Variants in CSMD1 observed in about 807,000 individuals in gnomAD.
The protein encoded by CSMD1 is CUB and sushi domain-containing protein 1.
A neutral mutation model predicts 417.5 loss-of-function variants in CSMD1; 213 were observed. The ratio of observed to expected loss-of-function variants is 0.51; its 90% CI spans 0.46 to 0.57. The LOEUF (loss-of-function observed/expected upper bound fraction) is 0.57, where lower values mean the gene tolerates loss of function less well. CSMD1 is among the 20% of genes least tolerant of loss of function. The probability of loss-of-function intolerance (pLI) is 0.00; values close to 1 mark genes in which losing one functional copy is unlikely to be tolerated. For missense variants in CSMD1, 6,923 were observed against 4,529.7 expected, an observed-to-expected ratio of 1.53 and a Z score of -15.17; for synonymous variants, 2,862 against 1,736.8, an observed-to-expected ratio of 1.65 and a Z score of -16.11.
intron 3 of CSMD1, among the ~76,000 whole-genome samples, chr8:4,143,576 T>G (rs1803927443): frequency 6.6e-6 from 1 of 151,030 alleles, no homozygotes; most frequent in African/African-American, 2.5e-5. Context: ...TGACCCACAG[T>G]TGTCAACCCC....
At chr8:3,033,217 A>G (rs1810461457) in intron 50 of CSMD1, among the ~76,000 whole-genome samples, 1 of 152,130 alleles carries the variant, frequency 6.6e-6, no homozygotes, top group Non-Finnish European at 1.5e-5. Context: ...TTTCACAGTG[A>G]AAACATTCTC....
chr8:4,916,971 G>A (rs1251403045), intron 1 of CSMD1, among the ~76,000 whole-genome samples: 1 of 152,174 alleles, frequency 6.6e-6, no homozygotes, highest in African/African-American at 2.4e-5. Flanking sequence ...GGTGTACAGG[G>A]TTCAGTAGGT....
chr8:4,446,639 T>G (rs1333003236), intron 2 of CSMD1, among the ~76,000 whole-genome samples: 2 of 152,156 alleles, frequency 1.3e-5, no homozygotes, highest in African/African-American at 4.8e-5. Context: ...CTGCAAACTC[T>G]GCCTCCTAGA....
intron 7 of CSMD1, among the ~76,000 whole-genome samples, chr8:3,664,466 A>C (rs1798580066): frequency 6.6e-6 from 1 of 152,254 alleles, no homozygotes; most frequent in African/African-American, 2.4e-5. Flanking sequence ...CAGAAAGCAT[A>C]GGCAGCTCAA....
chr8:4,788,773 G>A (rs1671972620), intron 1 of CSMD1, among the ~76,000 whole-genome samples: 1 of 151,850 alleles, frequency 6.6e-6, no homozygotes, highest in African/African-American at 2.4e-5. Context: ...AAAAAATAAA[G>A]GGAAACTATC....
chr8:2,953,634 C>G (rs1802796620), intron 65 of CSMD1, among the ~76,000 whole-genome samples: 1 of 152,080 alleles, frequency 6.6e-6, no homozygotes, highest in Non-Finnish European at 1.5e-5. Context: ...ACAGAACATG[C>G]CAGATGATTT....
chr8:4,290,412 G>C (rs1463413502), intron 3 of CSMD1, among the ~76,000 whole-genome samples: 1 of 152,182 alleles, frequency 6.6e-6, no homozygotes, highest in Non-Finnish European at 1.5e-5. Flanking sequence ...GATCAGAAAG[G>C]TCTCTAACAT....
intron 3 of CSMD1, among the ~76,000 whole-genome samples, chr8:4,413,890 G>C (rs566203944): frequency 6.6e-6 from 1 of 152,308 alleles, no homozygotes; most frequent in Non-Finnish European, 1.5e-5. Context: ...GGGTTTACCA[G>C]TCTAAGTTAC....
intron 3 of CSMD1, among the ~76,000 whole-genome samples, chr8:4,093,028 T>G (rs545879256): frequency 3.9e-5 from 6 of 152,280 alleles, no homozygotes; most frequent in Admixed American, 1.3e-4. Flanking sequence ...TGTGAACATT[T>G]TTGTGACTTG....
At chr8:4,229,391 A>G (rs1033687548) in intron 3 of CSMD1, among the ~76,000 whole-genome samples, 1 of 152,250 alleles carries the variant, frequency 6.6e-6, no homozygotes. Context: ...AGATTCTCTT[A>G]GATCACAAGC....
intron 33 of CSMD1, among the ~76,000 whole-genome samples, chr8:3,196,658 A>AG (rs1397650208): frequency 1.3e-5 from 2 of 152,156 alleles, no homozygotes; most frequent in East Asian, 3.9e-4. Flanking sequence ...GCTGATTCAG[A>AG]GGGGGGTGAA....
Position 3,535,309 on chromosome 8 carries a change from ACTTTCTAT to A in CSMD1, c.1344+39628_1344+39635del, listed in dbSNP as rs201455251. ...AATAGTTATTCAAGCTTTTGGCCGTACTTTCTATCTTTCTATATACCATGCTGAGTCAC... is the reference window on the plus strand; with the variant it reads ...AATAGTTATTCAAGCTTTTGGCCGTACTTTCTATATACCATGCTGAGTCAC... On this transcript the variant is annotated intron_variant, in intron 10 of 69. Transcript: ENST00000635120. Among the ~76,000 whole-genome samples the A allele has an allele frequency of 5.8e-4, 89 of 152,266 alleles. No individual in the cohort carries two copies. The East Asian group carries it at 0.016, about 27-fold the overall frequency.
intron 1 of CSMD1, among the ~76,000 whole-genome samples, chr8:4,768,758 G>T (rs914444088): frequency 6.6e-6 from 1 of 152,148 alleles, no homozygotes; most frequent in African/African-American, 2.4e-5. Flanking sequence ...GATGCTACTG[G>T]CTTGTTTACA....
At chr8:4,622,397 C>T (rs1801834723) in intron 2 of CSMD1, among the ~76,000 whole-genome samples, 2 of 152,080 alleles carry the variant, frequency 1.3e-5, no homozygotes. Flanking sequence ...GTGGGACCTT[C>T]TGGCGAGCTA....
chr8:4,643,691 G>C (rs1241778679), intron 1 of CSMD1, among the ~76,000 whole-genome samples: 3 of 152,164 alleles, frequency 2.0e-5, no homozygotes, highest in Admixed American at 1.3e-4. Flanking sequence ...GATCAGATAA[G>C]CGCTGTTTGA....
chr8:3,656,187 C>G (rs1798094324), intron 7 of CSMD1, among the ~76,000 whole-genome samples: 1 of 152,146 alleles, frequency 6.6e-6, no homozygotes, highest in Non-Finnish European at 1.5e-5. Flanking sequence ...AGAATGTTTC[C>G]TACCAGAGCT....
intron 1 of CSMD1, among the ~76,000 whole-genome samples, chr8:4,955,508 T>C (rs1352568966): frequency 6.6e-6 from 1 of 151,552 alleles, no homozygotes; most frequent in Non-Finnish European, 1.5e-5. Context: ...CAGGCTGGAG[T>C]GCAGTGGCAT....
At chr8:4,786,334 G>C (rs953872489) in intron 1 of CSMD1, among the ~76,000 whole-genome samples, 4 of 152,162 alleles carry the variant, frequency 2.6e-5, no homozygotes, top group Non-Finnish European at 5.9e-5. Flanking sequence ...ATGTGAATTT[G>C]GGTATAATAT....
rs988377687 is a variant in CSMD1, at chr8:3,179,054, T to C, written c.5725+2056A>G. On this transcript the variant is annotated intron_variant, in intron 37 of 69. Coordinates refer to ENST00000635120, the MANE Select transcript of CSMD1 (RefSeq NM_033225.6). ...GCTCTGCCTCCCGGGTTCACGCCAT[T>C]CTCCTGCCTCAGCCTCCTGAGCAGC... 4.6e-5 allele frequency among the ~76,000 whole-genome samples: 7 copies of C among 151,590 alleles called. No homozygotes were observed. In the East Asian group the frequency reaches 5.8e-4, roughly 13 times the overall value.
Sources: gnomAD v4.1 joint callset for allele counts (sites outside exome capture counted in the v4.1 genomes callset) on GRCh38, gnomAD v4.1.1 for gene constraint, MANE v1.5 for transcripts, NCBI Gene and HGNC (gene_info 2026-07-23, HGNC 2026-07-21) for gene names.